The following AKAP6 variants were observed in gnomAD, a reference collection of about 807,000 sequenced individuals.
The protein encoded by AKAP6 is A-kinase anchoring protein 6.
AKAP6 carries 58 observed loss-of-function variants against 188.5 expected under a neutral mutation model. The observed-to-expected ratio is 0.31, with a 90% CI of 0.25 to 0.38. The LOEUF is 0.38. Ranked by LOEUF, AKAP6 falls within the 10% of genes least tolerant of loss-of-function variation. The pLI is 1.00. For synonymous variants in AKAP6, 989 were observed against 998.6 expected, an observed-to-expected ratio of 0.99 and a Z score of 0.18; for missense variants, 2,710 against 2,740.0, an observed-to-expected ratio of 0.99 and a Z score of 0.24.
chr14:32,825,470 A>G (rs1594990221), intron 13 of AKAP6, among the ~76,000 whole-genome samples: 2 of 152,242 alleles, frequency 1.3e-5, no homozygotes, highest in East Asian at 3.8e-4. Context: ...GAGAGAATAC[A>G]TGACAAGTTA....
chr14:32,813,991 G>T (rs2034316004), intron 12 of AKAP6, among the ~76,000 whole-genome samples: 2 of 151,264 alleles, frequency 1.3e-5, no homozygotes, highest in Non-Finnish European at 2.9e-5. Flanking sequence ...TATGACCTCT[G>T]TGGTTTCTCC....
At chr14:32,826,477 C>T (rs567375244) in intron 13 of AKAP6, among the ~76,000 whole-genome samples, 17 of 152,244 alleles carry the variant, frequency 1.1e-4, no homozygotes, top group Admixed American at 8.5e-4. Context: ...TGCCAACCTC[C>T]GCAGAAGGGC....
chr14:32,581,750 G>A (rs1295735793), intron 5 of AKAP6, among the ~76,000 whole-genome samples: 1 of 152,092 alleles, frequency 6.6e-6, no homozygotes, highest in Non-Finnish European at 1.5e-5. Context: ...ATTATGTAAT[G>A]GCCTTCTTTG....
At chr14:32,378,609 C>A (rs896978631) in intron 1 of AKAP6, among the ~76,000 whole-genome samples, 1 of 152,146 alleles carries the variant, frequency 6.6e-6, no homozygotes, top group Admixed American at 6.5e-5. Context: ...TATTGATTGT[C>A]CTCATGTGCA....
rs1162974012 is a variant in AKAP6, at chr14:32,786,298, C to CTTTTTTTTTTTTT, written c.3588+12420_3588+12432dup. ...CCCTCTGAAAGACCTAAACCTTTATCTTTTTTTTTTTTTTTTTTTTTTTTT... is the reference window on the plus strand; with the variant it reads ...CCCTCTGAAAGACCTAAACCTTTATCTTTTTTTTTTTTTTTTTTTTTTTTTTTTTTTTTTTTTT... On this transcript the variant is annotated intron_variant, in intron 12 of 13. Transcript: ENST00000280979. 2.3e-4 allele frequency among the ~76,000 whole-genome samples: 19 copies of CTTTTTTTTTTTTT among 82,558 alleles called. 2 individuals carry two copies. Among genetic ancestry groups the CTTTTTTTTTTTTT allele is most frequent in the Non-Finnish European group, 3.9e-4 (18 of 46,668 alleles). 54.2% of individuals were successfully genotyped at this position (82,558 alleles called of 152,430 possible).
chr14:32,744,446 A>C (rs889493888), intron 11 of AKAP6, among the ~76,000 whole-genome samples: 1 of 151,992 alleles, frequency 6.6e-6, no homozygotes, highest in African/African-American at 2.4e-5. Flanking sequence ...CCTCATGAGT[A>C]GCTGGGACTA....
At chr14:32,780,090 A>G (rs1375295314) in intron 12 of AKAP6, among the ~76,000 whole-genome samples, 4 of 150,532 alleles carry the variant, frequency 2.7e-5, no homozygotes, top group African/African-American at 4.9e-5. Flanking sequence ...ATTATTTATC[A>G]TAGCCAAGAT....
chr14:32,632,785 T>A (rs1038415259), intron 7 of AKAP6, among the ~76,000 whole-genome samples: 2 of 152,240 alleles, frequency 1.3e-5, no homozygotes, highest in African/African-American at 4.8e-5. Context: ...TTATATGTTT[T>A]AAAAAATTCC....
intron 7 of AKAP6, among the ~76,000 whole-genome samples, chr14:32,652,466 C>G (rs978529668): frequency 1.3e-5 from 2 of 152,164 alleles, no homozygotes; most frequent in African/African-American, 4.8e-5. Flanking sequence ...TCCAGAATAT[C>G]AGGGAGCTGG....
chr14:32,765,585 CTG>C (rs1042302517), intron 11 of AKAP6, among the ~76,000 whole-genome samples: 1 of 151,892 alleles, frequency 6.6e-6, no homozygotes, highest in African/African-American at 2.4e-5. Context: ...AAAAATGACA[CTG>C]CATTATTTTT....
chr14:32,714,381 C>G (rs2030066786), intron 9 of AKAP6, among the ~76,000 whole-genome samples: 1 of 151,968 alleles, frequency 6.6e-6, no homozygotes, highest in Admixed American at 6.6e-5. Context: ...CACAAACCTT[C>G]CATTTGTAAA....
chr14:32,462,782 CA>C (rs1306471346), intron 2 of AKAP6, among the ~76,000 whole-genome samples: 2 of 150,828 alleles, frequency 1.3e-5, no homozygotes, highest in African/African-American at 4.9e-5. Context: ...ACAGACTAAC[CA>C]ATTGGATAGA....
chr14:32,572,498 A>G (rs1201428465), intron 4 of AKAP6, among the ~76,000 whole-genome samples: 1 of 152,230 alleles, frequency 6.6e-6, no homozygotes, highest in African/African-American at 2.4e-5. Flanking sequence ...TTCTAGCTCC[A>G]TATGACAGCC....
intron 2 of AKAP6, among the ~76,000 whole-genome samples, chr14:32,486,792 T>C (rs1476114704): frequency 6.6e-6 from 1 of 152,204 alleles, no homozygotes; most frequent in Non-Finnish European, 1.5e-5. Context: ...TCTCTTCCTA[T>C]GTGAATACTC....
chr14:32,671,985 T>C (rs935734727), intron 7 of AKAP6, among the ~76,000 whole-genome samples: 1 of 152,132 alleles, frequency 6.6e-6, no homozygotes, highest in Non-Finnish European at 1.5e-5. Flanking sequence ...TCCTTCGAGT[T>C]GATTAGATTG....
intron 6 of AKAP6, 41 bp from the exon 7 acceptor site, chr14:32,600,588 T>C: frequency 6.4e-7 from 1 of 1,556,978 alleles, no homozygotes; most frequent in Non-Finnish European, 8.7e-7. Flanking sequence ...TAAAGATTCA[T>C]TCAGGCCCAC....
intron 4 of AKAP6, among the ~76,000 whole-genome samples, chr14:32,560,697 A>G (rs533913867): frequency 1.3e-5 from 2 of 152,302 alleles, no homozygotes; most frequent in South Asian, 4.1e-4. Context: ...TAAACTCAAC[A>G]TTGCGTTTTT....
chr14:32,657,968 A>G (rs1888522297), intron 7 of AKAP6, among the ~76,000 whole-genome samples: 1 of 152,126 alleles, frequency 6.6e-6, no homozygotes, highest in African/African-American at 2.4e-5. Flanking sequence ...GGTCGCACAC[A>G]TGGTAGATTG....
intron 2 of AKAP6, among the ~76,000 whole-genome samples, chr14:32,458,726 T>C (rs1303718444): frequency 6.6e-6 from 1 of 152,036 alleles, no homozygotes; most frequent in Non-Finnish European, 1.5e-5. Flanking sequence ...GAGAAAATGA[T>C]AGAAGCTATG....
Sources: allele counts gnomAD v4.1 joint callset (sites outside exome capture counted in the v4.1 genomes callset), GRCh38; gene constraint gnomAD v4.1.1; transcripts MANE v1.5; gene names NCBI Gene and HGNC (gene_info 2026-07-23, HGNC 2026-07-21).